EMID1: variants seen among roughly 807,000 people sequenced by gnomAD.
EMID1 encodes the protein EMI domain containing 1.
Under a neutral mutation model 60.6 loss-of-function variants are expected in EMID1, and 40 were observed. The ratio of observed to expected loss-of-function variants is 0.66; its 90% confidence interval spans 0.51 to 0.86. EMID1 has a LOEUF of 0.86. Ranked by LOEUF, EMID1 falls within the 40% of genes least tolerant of loss-of-function variation. The pLI, the probability that EMID1 is intolerant of heterozygous loss-of-function variation, is 0.00. For missense variants in EMID1, 585 were observed against 597.1 expected, an observed-to-expected ratio of 0.98 and a Z score of 0.21; for synonymous variants, 242 against 231.0, an observed-to-expected ratio of 1.05 and a Z score of -0.43.
At chr22:29,219,767 G>A (rs2040224192) in intron 3 of EMID1, among the ~76,000 whole-genome samples, 1 of 152,110 alleles carries the variant, frequency 6.6e-6, no homozygotes, top group Non-Finnish European at 1.5e-5. Context: ...AGGTGACAGA[G>A]CAAGATCCTG....
chr22:29,222,118 T>A (rs75713614), intron 3 of EMID1, among the ~76,000 whole-genome samples: 2,160 of 152,234 alleles, frequency 0.014, 49 homozygotes, highest in African/African-American at 0.049. Context: ...TTTTATTATT[T>A]TTTTTAGATA....
intron 4 of EMID1, 40 bp downstream of exon 4, chr22:29,225,256 A>G: frequency 6.2e-7 from 1 of 1,606,388 alleles, no homozygotes; most frequent in Non-Finnish European, 8.5e-7. Flanking sequence ...CCCTGGGCTG[A>G]GGGAGCCCTG....
intron 14 of EMID1, chr22:29,255,230 G>A: frequency 8.0e-7 from 1 of 1,257,098 alleles, no homozygotes; most frequent in Admixed American, 3.0e-5. Context: ...AGCCCTCGGA[G>A]GCCAGACTCG....
intron 14 of EMID1, among the ~76,000 whole-genome samples, chr22:29,258,536 T>G (rs764360109): frequency 6.6e-5 from 10 of 152,134 alleles, no homozygotes; most frequent in Admixed American, 1.3e-4. Flanking sequence ...ATTCACTGCA[T>G]CTAAACACTT....
intron 3 of EMID1, chr22:29,216,268 G>GCCTCCCAGGAGCCTGGC: frequency 4.1e-6 from 4 of 983,182 alleles, no homozygotes; most frequent in Non-Finnish European, 4.8e-6. Context: ...GGCAGCCTGG[G>GCCTCCCAGGAGCCTGGC]CCTCCCAGGA....
At chr22:29,250,856 A>C (rs1398773780) in intron 13 of EMID1, among the ~76,000 whole-genome samples, 1 of 145,380 alleles carries the variant, frequency 6.9e-6, no homozygotes, top group South Asian at 2.2e-4. Context: ...AGGCCTCCCA[A>C]AGTGCTGGGA....
intron 1 of EMID1, among the ~76,000 whole-genome samples, chr22:29,210,769 T>C (rs2039853068): frequency 6.6e-6 from 1 of 152,240 alleles, no homozygotes; most frequent in Admixed American, 6.5e-5. Context: ...AGGACAGCTC[T>C]GGCCATTGTG....
Position 29,258,826 on chromosome 22 carries a change from T to C in EMID1, c.1214T>C (p.Leu405Pro), listed in dbSNP as rs2041804752. The change falls in exon 15 of 15, where the codon CTG (leucine) becomes CCG (proline). Residue 405 changes from leucine to proline, a missense_variant. By Grantham distance (98) the Leu-to-Pro change is moderately conservative (BLOSUM62 -3). Coordinates refer to ENST00000334018, the MANE Select transcript of EMID1 (RefSeq NM_133455.4). ...ETMIGLYEPELGSGAGPAGTG... is the reference protein window; with the variant it reads ...ETMIGLYEPEPGSGAGPAGTG... ...TTCTTCCCTCCGGCAGAACCAGAGC[T>C]GGGGTCTGGGGCGGGCCCTGCCGGC... 6.2e-7 allele frequency: 1 copy of C among 1,613,114 alleles called. No individual in the cohort carries two copies. Among genetic ancestry groups the C allele is most frequent in the African/African-American group, 1.3e-5 (1 of 75,028 alleles).
At chr22:29,244,128 A>G (rs1272259697) in intron 13 of EMID1, among the ~76,000 whole-genome samples, 2 of 152,230 alleles carry the variant, frequency 1.3e-5, no homozygotes, top group African/African-American at 4.8e-5. Flanking sequence ...CCTATAGTTT[A>G]CACAAGGTCC....
At chr22:29,208,262 G>T (rs1379814819) in intron 1 of EMID1, among the ~76,000 whole-genome samples, 1 of 152,204 alleles carries the variant, frequency 6.6e-6, no homozygotes, top group Non-Finnish European at 1.5e-5. Context: ...CAAGGGACCA[G>T]ACGCAGAAAA....
At position 29,255,366 on chromosome 22, in the gene EMID1, T is replaced by C. The variant is rs1199250900; in HGVS notation, c.1204+1079T>C. The C allele has an allele frequency of 2.0e-6, 3 of 1,473,260 alleles. No homozygotes were observed. The South Asian group carries it at 4.1e-5, about 20-fold the overall frequency. The allele number at this position is 1,473,260 out of a possible 1,614,324, so 91.3% of individuals were successfully genotyped here. On this transcript the variant is annotated intron_variant, in intron 14 of 14. Transcript: ENST00000334018. ...TGGAAGCCATCATCTGGCCAGGTAA[T>C]GGCAGGGCGGGCAGGCAGGGGCAGC...
At chr22:29,215,653 C>A in intron 3 of EMID1, 23 bp downstream of exon 3, 1 of 1,600,904 alleles carries the variant, frequency 6.2e-7, no homozygotes, top group South Asian at 1.1e-5. Context: ...GGCCGGCTCC[C>A]GGAGCCCTGC....
rs568657765 is a variant in EMID1 at position 29,231,247 on chromosome 22, A to G, written c.586+107A>G. Reference sequence around the variant, plus strand: ...TCGCTGACTCCCAACTTAACCCTCTAGTGGGCCTCAGTCTTCCCATTTCCC... The same window carrying G: ...TCGCTGACTCCCAACTTAACCCTCTGGTGGGCCTCAGTCTTCCCATTTCCC... On this transcript the variant is annotated intron_variant, in intron 6 of 14. Transcript: ENST00000334018. 21 of 1,430,936 alleles carry G rather than the reference A, an allele frequency of 1.5e-5. No homozygotes were observed. In the East Asian group the frequency reaches 4.9e-4, roughly 33 times the overall value. The allele number at this position is 1,430,936 out of a possible 1,614,324, so 88.6% of individuals were successfully genotyped here. A position where few individuals can be genotyped will look rare whatever the true frequency, so the allele number is the denominator to read the frequency against.
chr22:29,232,329 GCCACCAGGGCCTCCTGGC>G lies in EMID1; in HGVS notation c.753_770del (p.Gly256_Pro261del). On this transcript the variant is annotated inframe_deletion, in exon 8 of 15. Transcript: ENST00000334018. ...CCCCTGGAGAGAGGGGACCTCCTGGGCCACCAGGGCCTCCTGGCCCCCCTGGGCCCCCAGCCCCTGTTG... is the reference window on the plus strand; with the variant it reads ...CCCCTGGAGAGAGGGGACCTCCTGGGCCCCCTGGGCCCCCAGCCCCTGTTG... 1 of 1,609,740 alleles carries G rather than the reference GCCACCAGGGCCTCCTGGC, an allele frequency of 6.2e-7. No individual in the cohort carries two copies. Among genetic ancestry groups the G allele is most frequent in the Non-Finnish European group, 8.5e-7 (1 of 1,179,110 alleles).
intron 14 of EMID1, chr22:29,255,266 A>G (rs2041662241): frequency 3.2e-6 from 4 of 1,236,842 alleles, no homozygotes; most frequent in South Asian, 1.5e-5. Context: ...TCCATCTCCC[A>G]TCAGGCTCCT....
At chr22:29,239,603 A>C (rs1374841101) in intron 12 of EMID1, among the ~76,000 whole-genome samples, 2 of 152,214 alleles carry the variant, frequency 1.3e-5, no homozygotes, top group Admixed American at 6.5e-5. Flanking sequence ...GAATCTCTTC[A>C]AACTGTGTTT....
At chr22:29,225,882 G>A (rs1461823526) in intron 4 of EMID1, among the ~76,000 whole-genome samples, 3 of 152,196 alleles carry the variant, frequency 2.0e-5, no homozygotes, top group South Asian at 2.1e-4. Flanking sequence ...TGTCATTCTC[G>A]TGAGTCTCAG....
chr22:29,214,569 G>A (rs1019415385), intron 1 of EMID1, among the ~76,000 whole-genome samples: 5 of 152,190 alleles, frequency 3.3e-5, no homozygotes, highest in Non-Finnish European at 4.4e-5. Flanking sequence ...AGTTGTCCAG[G>A]CAAGAGCCAG....
intron 14 of EMID1, among the ~76,000 whole-genome samples, chr22:29,258,270 A>T (rs776423847): frequency 4.6e-5 from 7 of 152,156 alleles, no homozygotes; most frequent in Non-Finnish European, 1.0e-4. Context: ...TTGAAGGATG[A>T]GTAGTTTTCT....
Sources: allele counts gnomAD v4.1 joint callset (sites outside exome capture counted in the v4.1 genomes callset), GRCh38; gene constraint gnomAD v4.1.1; transcripts MANE v1.5; gene names NCBI Gene and HGNC (gene_info 2026-07-23, HGNC 2026-07-21).